The following NAF1 variants were observed in gnomAD, a reference collection of about 807,000 sequenced individuals.
NAF1 encodes the protein nuclear assembly factor 1 ribonucleoprotein.
In NAF1, 11 loss-of-function variants were observed where a neutral mutation model predicts 40.6. The observed-to-expected ratio is 0.27, with a 90% CI of 0.17 to 0.45. The LOEUF (loss-of-function observed/expected upper bound fraction) is 0.45. NAF1 is among the 20% of genes least tolerant of loss of function. The pLI is 1.00. For missense variants in NAF1, 607 were observed against 611.1 expected, an observed-to-expected ratio of 0.99 and a Z score of 0.07; for synonymous variants, 260 against 228.5, an observed-to-expected ratio of 1.14 and a Z score of -1.24.
intron 3 of NAF1, 96 bp downstream of exon 3, chr4:163,148,245 C>T (rs11722876): frequency 0.072 from 46,283 of 639,822 alleles, 1,958 homozygotes; most frequent in Non-Finnish European, 0.089. Context: ...GTGTTAATTA[C>T]GTATGTCAAA....
At chr4:163,160,235 CTTA>C (rs1579188443) in intron 2 of NAF1, among the ~76,000 whole-genome samples, 1 of 152,016 alleles carries the variant, frequency 6.6e-6, no homozygotes, top group Non-Finnish European at 1.5e-5. Flanking sequence ...TCTAGTTAAA[CTTA>C]TTAATTGTGA....
chr4:163,135,918 A>G (rs576479215), intron 6 of NAF1: 2 of 152,370 alleles, frequency 1.3e-5, no homozygotes, highest in Admixed American at 1.3e-4. Context: ...TCTAAAACTT[A>G]ATTCAGAACA....
intron 6 of NAF1, among the ~76,000 whole-genome samples, chr4:163,136,708 C>G (rs1375900898): frequency 2.6e-5 from 4 of 152,088 alleles, no homozygotes; most frequent in African/African-American, 9.7e-5. Flanking sequence ...AAATCAAGGT[C>G]TCTTTTTAGA....
In NAF1 at chr4:163,112,213, T is replaced by C. The variant is rs1398770192; in HGVS notation, c.115-1923A>G. On this transcript the variant is annotated intron_variant, in intron 2 of 2. Coordinates refer to the NAF1 transcript ENST00000509434. ...GGGGGGAGAAAAATTGCTAGAGTTC[T>C]CTCTCTCAGTAAGCAAAGACAGTAC... is the stretch of plus-strand genomic sequence containing the variant. 5.9e-5 allele frequency among the ~76,000 whole-genome samples: 9 copies of C among 152,164 alleles called. No individual in the cohort carries two copies. The East Asian group carries it at 1.5e-3, about 26-fold the overall frequency.
At chr4:163,143,805 G>A (rs1212787188) in intron 4 of NAF1, among the ~76,000 whole-genome samples, 2 of 152,184 alleles carry the variant, frequency 1.3e-5, no homozygotes, top group African/African-American at 2.4e-5. Context: ...AGGAAATGAG[G>A]AAATGAACCT....
intron 1 of NAF1, among the ~76,000 whole-genome samples, 191 bp downstream of exon 1, chr4:163,166,172 C>T (rs924134513): frequency 2.0e-5 from 3 of 152,206 alleles, no homozygotes; most frequent in Non-Finnish European, 2.9e-5. Context: ...AGATTCACAA[C>T]GCGACCTGCT....
At chr4:163,165,024 GCTA>G (rs1325617253) in intron 1 of NAF1, among the ~76,000 whole-genome samples, 2 of 151,856 alleles carry the variant, frequency 1.3e-5, no homozygotes, top group East Asian at 3.9e-4. Flanking sequence ...CTCTTCTTTC[GCTA>G]CTACTTTCAT....
intron 2 of NAF1, among the ~76,000 whole-genome samples, chr4:163,155,345 TA>T (rs1294140011): frequency 6.6e-6 from 1 of 152,246 alleles, no homozygotes; most frequent in African/African-American, 2.4e-5. Context: ...TGCTCATTGC[TA>T]TAGCACCCAA....
At chr4:163,163,672 A>C (rs982559113) in intron 2 of NAF1, among the ~76,000 whole-genome samples, 1 of 148,632 alleles carries the variant, frequency 6.7e-6, no homozygotes, top group Non-Finnish European at 1.5e-5. Context: ...AATAAATACC[A>C]TTCTACAATT....
At chr4:163,137,342 G>C (rs1731099856) in intron 5 of NAF1, 92 bp from the exon 6 acceptor site, 3 of 1,350,614 alleles carry the variant, frequency 2.2e-6, no homozygotes, top group African/African-American at 1.5e-5. Flanking sequence ...ATAAAGTAAA[G>C]GACATGAGTT....
Position 163,166,870 on chromosome 4 carries a change from C to G in NAF1, c.-143G>C. On this transcript the variant is annotated 5_prime_UTR_variant, in exon 1 of 8. Coordinates refer to ENST00000274054, the MANE Select transcript of NAF1 (RefSeq NM_138386.3). The stretch of plus-strand genomic sequence containing the variant: ...TTCCCGCGTTTCTCAGGTAACTACA[C>G]GCGGAGGAGCCAAAAGACACGCCCC... 2 of 1,119,404 alleles carry G rather than the reference C, an allele frequency of 1.8e-6. No individual in the cohort carries two copies. The highest frequency in any genetic ancestry group is 5.4e-5 in the East Asian group (2 of 36,902). The allele number at this position is 1,119,404 out of a possible 1,614,324, so 69.3% of individuals were successfully genotyped here. A position where few individuals can be genotyped will look rare whatever the true frequency, so the allele number is the denominator to read the frequency against.
chr4:163,131,398 A>G (rs1266703647), intron 7 of NAF1, among the ~76,000 whole-genome samples: 1 of 152,222 alleles, frequency 6.6e-6, no homozygotes, highest in Non-Finnish European at 1.5e-5. Context: ...CTCAAAAAAC[A>G]GACAAAAACA....
At chr4:163,144,072 CA>C in intron 4 of NAF1, 1 of 934,304 alleles carries the variant, frequency 1.1e-6, no homozygotes, top group Non-Finnish European at 1.3e-6. Flanking sequence ...CCAAACAAGA[CA>C]GTAATATAAT....
At position 163,117,680 on chromosome 4, in the gene NAF1, T is replaced by TACACACACACACACACACAC. The variant is rs55869899; in HGVS notation, c.115-7410_115-7391dup. 7.1e-4 allele frequency among the ~76,000 whole-genome samples: 96 copies of TACACACACACACACACACAC among 134,924 alleles called. 1 individual carries two copies. Among genetic ancestry groups the TACACACACACACACACACAC allele is most frequent in the African/African-American group, 2.2e-3 (76 of 34,738 alleles). The allele number at this position is 134,924 out of a possible 152,430, so 88.5% of individuals were successfully genotyped here. A position where few individuals can be genotyped will look rare whatever the true frequency, so the allele number is the denominator to read the frequency against. On this transcript the variant is annotated intron_variant, in intron 2 of 2. Coordinates refer to the NAF1 transcript ENST00000509434. ...TTATTTTTAAACTCCCTGGAAGCAATACACACACACACACACACACACACA... is the reference window on the plus strand; with the variant it reads ...TTATTTTTAAACTCCCTGGAAGCAATACACACACACACACACACACACACACACACACACACACACACACA...
chr4:163,149,438 T>TA (rs1208074927), intron 2 of NAF1, among the ~76,000 whole-genome samples: 1 of 152,192 alleles, frequency 6.6e-6, no homozygotes, highest in African/African-American at 2.4e-5. Flanking sequence ...ACTAGGTTCT[T>TA]AAAATCATTC....
chr4:163,122,366 G>C (rs1475048184), downstream of NAF1, among the ~76,000 whole-genome samples: 1 of 152,076 alleles, frequency 6.6e-6, no homozygotes, highest in East Asian at 1.9e-4. Context: ...GGAGAGGAGT[G>C]ACAAATCACA....
intron 7 of NAF1, among the ~76,000 whole-genome samples, 166 bp from the exon 8 acceptor site, chr4:163,129,514 CTT>C (rs1560784841): frequency 6.6e-6 from 1 of 152,028 alleles, no homozygotes; most frequent in Non-Finnish European, 1.5e-5. Context: ...AAAGACAAAA[CTT>C]AATGCCAAAG....
chr4:163,166,806 A>T lies in NAF1; in HGVS notation c.-79T>A. ...CACGGCTCTCTCCAGAAATAGAAAA[A>T]CAACTTAGGCAACCGCAGCAACACT... On this transcript the variant is annotated 5_prime_UTR_variant, in exon 1 of 8. Transcript: ENST00000274054. 1 of 1,542,870 alleles carries T rather than the reference A, an allele frequency of 6.5e-7. No individual in the cohort carries two copies. Among genetic ancestry groups the T allele is most frequent in the African/African-American group, 1.4e-5 (1 of 71,882 alleles).
downstream of NAF1, among the ~76,000 whole-genome samples, chr4:163,106,645 T>A (rs1196339205): frequency 6.6e-6 from 1 of 152,152 alleles, no homozygotes; most frequent in Non-Finnish European, 1.5e-5. Context: ...TACAGAATCA[T>A]CCAATAAGAT....
Sources: gnomAD v4.1 joint callset for allele counts (sites outside exome capture counted in the v4.1 genomes callset) on GRCh38, gnomAD v4.1.1 for gene constraint, MANE v1.5 for transcripts, NCBI Gene and HGNC (gene_info 2026-07-23, HGNC 2026-07-21) for gene names.